The following PHLPP1 variants were observed in gnomAD, a reference collection of about 807,000 sequenced individuals.
PHLPP1 encodes PH domain leucine-rich repeat-containing protein phosphatase 1.
A neutral mutation model predicts 117.2 loss-of-function variants in PHLPP1; 42 were observed. The observed-to-expected ratio is 0.36, with a 90% confidence interval of 0.28 to 0.46. The LOEUF (loss-of-function observed/expected upper bound fraction) is 0.46, where lower values mean the gene tolerates loss of function less well. Ranked by LOEUF, PHLPP1 falls within the 20% of genes least tolerant of loss-of-function variation. The pLI is 1.00. For synonymous variants in PHLPP1, 1,042 were observed against 970.7 expected (o/e 1.07, Z -1.37); for missense variants, 2,084 against 2,241.9 (o/e 0.93, Z 1.42).
intron 4 of PHLPP1, among the ~76,000 whole-genome samples, chr18:62,869,003 A>G (rs1915834225): frequency 6.6e-6 from 1 of 152,260 alleles, no homozygotes; most frequent in South Asian, 2.1e-4. Context: ...AAATCTCAAG[A>G]TGAAGAAGAA....
intron 10 of PHLPP1, among the ~76,000 whole-genome samples, chr18:62,939,760 A>G (rs753556647): frequency 6.6e-6 from 1 of 151,960 alleles, no homozygotes; most frequent in Non-Finnish European, 1.5e-5. Flanking sequence ...AAGGGGTTGT[A>G]CAAGATTGAA....
chr18:62,772,164 T>C (rs986733923), intron 1 of PHLPP1, among the ~76,000 whole-genome samples: 1 of 152,202 alleles, frequency 6.6e-6, no homozygotes, highest in African/African-American at 2.4e-5. Flanking sequence ...CTGTGTTCAG[T>C]GAAAGCTAAA....
intron 1 of PHLPP1, among the ~76,000 whole-genome samples, chr18:62,751,466 G>T (rs141766062): frequency 1.3e-5 from 2 of 152,322 alleles, no homozygotes; most frequent in Non-Finnish European, 2.9e-5. Flanking sequence ...TGGCAAGCAT[G>T]CAGAGGAGAG....
At chr18:62,788,227 C>T (rs138113603) in intron 1 of PHLPP1, among the ~76,000 whole-genome samples, 32 of 152,202 alleles carry the variant, frequency 2.1e-4, no homozygotes, top group Non-Finnish European at 2.8e-4. Context: ...GCTTTATCTC[C>T]GGGAGGTGGA....
chr18:62,843,645 G>C (rs972194487), intron 3 of PHLPP1, among the ~76,000 whole-genome samples: 1 of 151,816 alleles, frequency 6.6e-6, no homozygotes. Context: ...TACTATATTG[G>C]TTGTAAATTC....
At chr18:62,782,033 T>C (rs1043685350) in intron 1 of PHLPP1, among the ~76,000 whole-genome samples, 3 of 152,236 alleles carry the variant, frequency 2.0e-5, no homozygotes, top group Admixed American at 1.3e-4. Context: ...TTTTTTGTTA[T>C]GGTCATGAAT....
At chr18:62,976,261 A>C (rs957079882) in intron 16 of PHLPP1, among the ~76,000 whole-genome samples, 1 of 152,208 alleles carries the variant, frequency 6.6e-6, no homozygotes. Context: ...GCCACTGAGC[A>C]TCCTACAGCG....
chr18:62,792,764 G>A (rs1913499102), intron 1 of PHLPP1, among the ~76,000 whole-genome samples: 1 of 151,288 alleles, frequency 6.6e-6, no homozygotes, highest in African/African-American at 2.4e-5. Flanking sequence ...TACTTGGGAG[G>A]CCAAGGTGGG....
intron 3 of PHLPP1, among the ~76,000 whole-genome samples, chr18:62,847,714 C>T (rs1182385525): frequency 6.6e-6 from 1 of 152,042 alleles, no homozygotes; most frequent in Non-Finnish European, 1.5e-5. Flanking sequence ...ACCTTGAATT[C>T]TAGTCTTCAA....
chr18:62,748,537 C>T (rs1599024371), intron 1 of PHLPP1, among the ~76,000 whole-genome samples: 2 of 152,190 alleles, frequency 1.3e-5, no homozygotes, highest in Non-Finnish European at 2.9e-5. Flanking sequence ...TGAGCCACCA[C>T]GCCCCGCCCA....
intron 1 of PHLPP1, among the ~76,000 whole-genome samples, chr18:62,748,099 C>A (rs552150093): frequency 6.6e-6 from 1 of 150,598 alleles, no homozygotes; most frequent in East Asian, 1.9e-4. Context: ...CATTCATCTT[C>A]TATAGTTTTA....
intron 2 of PHLPP1, among the ~76,000 whole-genome samples, chr18:62,833,445 A>G (rs1192620251): frequency 1.3e-5 from 2 of 152,208 alleles, no homozygotes; most frequent in African/African-American, 2.4e-5. Flanking sequence ...GTCAGCCACT[A>G]CTGAATTTAG....
At chr18:62,956,995 A>C (rs1910628844) in intron 12 of PHLPP1, among the ~76,000 whole-genome samples, 2 of 152,194 alleles carry the variant, frequency 1.3e-5, no homozygotes, top group Non-Finnish European at 2.9e-5. Context: ...GAAGTTCTTG[A>C]GTATAATCTC....
chr18:62,855,265 AT>A (rs910985497), intron 3 of PHLPP1, among the ~76,000 whole-genome samples: 6 of 152,020 alleles, frequency 3.9e-5, no homozygotes, highest in African/African-American at 9.7e-5. Context: ...TTTTTGATTA[AT>A]TTTTTTTATG....
rs1203056955 is a variant in PHLPP1 at position 62,979,478 on chromosome 18, T to G, written c.*47T>G. 6.5e-7 allele frequency: 1 copy of G among 1,526,832 alleles called. No homozygotes were observed. Among genetic ancestry groups the G allele is most frequent in the African/African-American group, 1.4e-5 (1 of 72,404 alleles). The allele number at this position is 1,526,832 out of a possible 1,614,324, so 94.6% of individuals were successfully genotyped here. Reference sequence around the variant, plus strand: ...ATAAACTAACCACAAAAGACTGAGTTGCAAGAGTCTCCCAGGCTCACATTA... The same window carrying G: ...ATAAACTAACCACAAAAGACTGAGTGGCAAGAGTCTCCCAGGCTCACATTA... On this transcript the variant is annotated 3_prime_UTR_variant, in exon 17 of 17. Coordinates refer to ENST00000262719, the MANE Select transcript of PHLPP1 (RefSeq NM_194449.4).
chr18:62,842,145 C>T lies in PHLPP1; in HGVS notation c.1899+3236C>T, dbSNP rs527860001. On this transcript the variant is annotated intron_variant, in intron 3 of 16. Transcript: ENST00000262719. ...CTCAATAAAATAATTTTATGATGGT[C>T]ATCCTTGATGGGTCAAATAATATTT... Among the ~76,000 whole-genome samples the T allele has an allele frequency of 3.3e-5, 5 of 152,212 alleles. No individual in the cohort carries two copies. In the South Asian group the frequency reaches 8.3e-4, roughly 25 times the overall value.
chr18:62,727,476 G>A (rs1378801138), intron 1 of PHLPP1, among the ~76,000 whole-genome samples: 2 of 151,796 alleles, frequency 1.3e-5, no homozygotes, highest in African/African-American at 2.4e-5. Context: ...AATTAGATGG[G>A]CATGGTAGCA....
chr18:62,773,604 G>C (rs1405043493), intron 1 of PHLPP1, among the ~76,000 whole-genome samples: 2 of 152,096 alleles, frequency 1.3e-5, no homozygotes, highest in Admixed American at 6.5e-5. Context: ...GGGTGAGGGG[G>C]ATGGGTTCTG....
rs1599149762 is a variant in PHLPP1 at position 62,975,736 on chromosome 18, G to A, written c.3984+111G>A. 12 of 696,488 alleles carry A rather than the reference G, an allele frequency of 1.7e-5. No homozygotes were observed. The East Asian group carries it at 3.0e-4, about 18-fold the overall frequency. 43.1% of individuals were successfully genotyped at this position (696,488 alleles called of 1,614,324 possible). ...GCCTTCAAAGAACACTTTTGAAGTT[G>A]GTTTGACATTAGAATTCCAAATCCA... On this transcript the variant is annotated intron_variant, in intron 16 of 16. Coordinates refer to ENST00000262719, the MANE Select transcript of PHLPP1 (RefSeq NM_194449.4).
Sources: gnomAD v4.1 joint callset for allele counts (sites outside exome capture counted in the v4.1 genomes callset) on GRCh38, gnomAD v4.1.1 for gene constraint, MANE v1.5 for transcripts, NCBI Gene and HGNC (gene_info 2026-07-23, HGNC 2026-07-21) for gene names.